Variants in ABHD12B observed in about 807,000 individuals in gnomAD.
ABHD12B encodes the protein protein ABHD12B.
A neutral mutation model predicts 50.4 loss-of-function variants in ABHD12B; 42 were observed. The ratio of observed to expected loss-of-function variants is 0.83; its 90% CI spans 0.65 to 1.08. The LOEUF (loss-of-function observed/expected upper bound fraction) is 1.08. Among genes scored for constraint, ABHD12B ranks in the 50% least tolerant of loss-of-function variants. The pLI, the probability that ABHD12B is intolerant of heterozygous loss-of-function variation, is 0.00. For missense variants in ABHD12B, 479 were observed against 447.7 expected, an observed-to-expected ratio of 1.07 and a Z score of -0.63; for synonymous variants, 167 against 160.3, an observed-to-expected ratio of 1.04 and a Z score of -0.32.
chr14:50,883,925 C>T (rs2049995899), intron 5 of ABHD12B, among the ~76,000 whole-genome samples: 1 of 148,028 alleles, frequency 6.8e-6, no homozygotes, highest in Admixed American at 6.9e-5. Context: ...CTAGTTTTTA[C>T]TTCTCCTTAT....
chr14:50,881,243 G>A (rs547443373), intron 4 of ABHD12B, among the ~76,000 whole-genome samples: 1 of 151,918 alleles, frequency 6.6e-6, no homozygotes, highest in East Asian at 1.9e-4. Context: ...TTGGGGCAGG[G>A]GCGATGTGCC....
At position 50,886,654 on chromosome 14, in the gene ABHD12B, A is replaced by C; in HGVS notation, c.670A>C (p.Thr224Pro). 6.2e-7 allele frequency: 1 copy of C among 1,609,410 alleles called. No homozygotes were observed. The highest frequency in any genetic ancestry group is 8.5e-7 in the Non-Finnish European group (1 of 1,177,560). Reference protein sequence around the residue: ...WGHSLGTGVATNAAKVLEEKG... With the variant: ...WGHSLGTGVAPNAAKVLEEKG... ...ATTTTCATTGCTTTACAGAGTTGCA[A>C]CAAATGCTGCAAAAGTGCTAGAAGA... Residue 224 changes from threonine to proline, a missense_variant, in exon 8 of 13, where the codon ACA becomes CCA. By Grantham distance (38) the Thr-to-Pro change is conservative (BLOSUM62 -1). Coordinates refer to ENST00000337334, the MANE Select transcript of ABHD12B (RefSeq NM_001206673.2).
chr14:50,876,001 C>G (rs1308279284), intron 1 of ABHD12B, among the ~76,000 whole-genome samples: 1 of 152,168 alleles, frequency 6.6e-6, no homozygotes, highest in Non-Finnish European at 1.5e-5. Flanking sequence ...CAGCAGGAGC[C>G]AGCAGCTGGA....
rs1294100696 is a variant in ABHD12B, at chr14:50,892,366, AGAACAAG to A, written c.780+3466_780+3472del. 6.1e-6 allele frequency: 6 copies of A among 975,678 alleles called. No homozygotes were observed. The African/African-American group carries it at 1.0e-4, about 17-fold the overall frequency. The allele number at this position is 975,678 out of a possible 1,614,324, so 60.4% of individuals were successfully genotyped here. A position where few individuals can be genotyped will look rare whatever the true frequency, so the allele number is the denominator to read the frequency against. ...AGTAGCACTGGAAAGGGGGAAGAGC[AGAACAAG>A]GACGTGACCTCAGGCAAAGTCTAGC... On this transcript the variant is annotated intron_variant, in intron 9 of 12. Coordinates refer to ENST00000337334, the MANE Select transcript of ABHD12B (RefSeq NM_001206673.2).
At chr14:50,888,755 C>A in intron 8 of ABHD12B, 69 bp from the exon 9 acceptor site, 2 of 1,377,726 alleles carry the variant, frequency 1.5e-6, no homozygotes, top group Non-Finnish European at 1.0e-6. Flanking sequence ...TTGAATACCC[C>A]TTATCTAGGA....
At chr14:50,894,158 ACCC>A (rs1167623067) in intron 9 of ABHD12B, among the ~76,000 whole-genome samples, 1 of 137,982 alleles carries the variant, frequency 7.2e-6, no homozygotes, top group Admixed American at 6.8e-5. Flanking sequence ...AGGGGCAAGT[ACCC>A]CTCAACCCCT....
At chr14:50,892,918 A>T (rs1350601569) in intron 9 of ABHD12B, 2 of 152,168 alleles carry the variant, frequency 1.3e-5, no homozygotes, top group Non-Finnish European at 2.9e-5. Context: ...TATGATTCAT[A>T]ACTTCTATGC....
At chr14:50,896,748 T>C (rs2050205121) in intron 9 of ABHD12B, among the ~76,000 whole-genome samples, 1 of 151,996 alleles carries the variant, frequency 6.6e-6, no homozygotes, top group Non-Finnish European at 1.5e-5. Context: ...CCAAATCCTA[T>C]AAAACGGCCC....
At position 50,878,179 on chromosome 14, in the gene ABHD12B, T is replaced by C. The variant is rs1399643905; in HGVS notation, c.232+100T>C. On this transcript the variant is annotated intron_variant, in intron 2 of 12. Coordinates refer to ENST00000337334, the MANE Select transcript of ABHD12B (RefSeq NM_001206673.2). ...ACGTAGTGAAAAGACATGTCAGCTG[T>C]AAAATTGTGGTTAGACTGAAATGGT... 3 of 1,093,944 alleles carry C rather than the reference T, an allele frequency of 2.7e-6. No individual in the cohort carries two copies. The African/African-American group carries it at 4.8e-5, about 17-fold the overall frequency. The allele number at this position is 1,093,944 out of a possible 1,614,324, so 67.8% of individuals were successfully genotyped here. A position where few individuals can be genotyped will look rare whatever the true frequency, so the allele number is the denominator to read the frequency against.
rs965595892 is a variant in ABHD12B, at chr14:50,872,098, G to C, written c.-77G>C. 73 of 1,103,096 alleles carry C rather than the reference G, an allele frequency of 6.6e-5. No individual in the cohort carries two copies. The African/African-American group carries it at 1.0e-3, about 15-fold the overall frequency. The allele number at this position is 1,103,096 out of a possible 1,614,324, so 68.3% of individuals were successfully genotyped here. On this transcript the variant is annotated 5_prime_UTR_variant, in exon 1 of 13. Coordinates refer to ENST00000337334, the MANE Select transcript of ABHD12B (RefSeq NM_001206673.2). ...GGAGGAGGGCGGGCGCGGTGCCGCC[G>C]GGGCGGGAAGGTCGCGGGCGGCTGC...
chr14:50,878,602 A>G, intron 2 of ABHD12B, 143 bp from the exon 3 acceptor site: 1 of 676,188 alleles, frequency 1.5e-6, no homozygotes, highest in Non-Finnish European at 2.5e-6. Context: ...TAGCTGATAA[A>G]ATAAAATACT....
intron 3 of ABHD12B, among the ~76,000 whole-genome samples, chr14:50,879,214 A>G (rs928244013): frequency 5.3e-5 from 8 of 151,878 alleles, no homozygotes; most frequent in African/African-American, 1.5e-4. Flanking sequence ...CTAACTGTCT[A>G]CTCATCTATT....
chr14:50,903,774 C>T lies in ABHD12B; in HGVS notation c.943-300C>T, dbSNP rs146032039. Among the ~76,000 whole-genome samples the T allele has an allele frequency of 6.5e-3, 988 of 152,218 alleles. 5 individuals are homozygous for T. Among genetic ancestry groups the T allele is most frequent in the Non-Finnish European group, 9.8e-3 (667 of 68,016 alleles). On this transcript the variant is annotated intron_variant, in intron 11 of 12. Coordinates refer to ENST00000337334, the MANE Select transcript of ABHD12B (RefSeq NM_001206673.2). ...ACTGTAGTGGCTCTAAAATGGAAGA[C>T]GCAGACTTTTTCCTTTTAAACAAAC...
chr14:50,902,063 G>T, intron 10 of ABHD12B, 152 bp downstream of exon 10: 2 of 539,044 alleles, frequency 3.7e-6, no homozygotes, highest in Non-Finnish European at 6.4e-6. Flanking sequence ...TGGGCACTAA[G>T]ATTTGGGTAA....
intron 9 of ABHD12B, chr14:50,892,522 C>A: frequency 1.0e-6 from 1 of 985,432 alleles, no homozygotes; most frequent in Non-Finnish European, 1.2e-6. Flanking sequence ...GTGATGGCTT[C>A]TGTCATCTAA....
At position 50,885,878 on chromosome 14, in the gene ABHD12B, C is replaced by T. The variant is rs551921873; in HGVS notation, c.645C>T (p.Gly215=). ...GCATCACTCCCGTGTGTCTCTGGGG[C>T]CACTCTCTGGGTACAGGGTAAGTGA... ...RSGITPVCLW[G]HSLGTGVATN... The change falls in exon 7 of 13, where the codon GGC becomes GGT. Residue 215 remains glycine, a synonymous_variant. Transcript: ENST00000337334. 6.2e-7 allele frequency: 1 copy of T among 1,614,010 alleles called. No homozygotes were observed. The highest frequency in any genetic ancestry group is 1.7e-5 in the Admixed American group (1 of 60,010).
At chr14:50,903,704 G>GTGT (rs2142777018) in intron 11 of ABHD12B, among the ~76,000 whole-genome samples, 1 of 152,316 alleles carries the variant, frequency 6.6e-6, no homozygotes, top group Admixed American at 6.5e-5. Flanking sequence ...GGAGCTGCAA[G>GTGT]TGTAGGGTAT....
At position 50,878,956 on chromosome 14, in the gene ABHD12B, A is replaced by G. The variant is rs150782178; in HGVS notation, c.335+109A>G. On this transcript the variant is annotated intron_variant, in intron 3 of 12. Coordinates refer to ENST00000337334, the MANE Select transcript of ABHD12B (RefSeq NM_001206673.2). ...CCCACGGAGAGGTCGGTGCTCCTGG[A>G]GGTACCTGGAGGCTGTTTCCTACAC... The G allele has an allele frequency of 2.0e-3, 1,624 of 800,708 alleles. 18 individuals are homozygous for G. In the African/African-American group the frequency reaches 0.024, roughly 12 times the overall value. 49.6% of individuals were successfully genotyped at this position (800,708 alleles called of 1,614,324 possible).
At chr14:50,896,033 G>A (rs894736029) in intron 9 of ABHD12B, among the ~76,000 whole-genome samples, 4 of 151,872 alleles carry the variant, frequency 2.6e-5, no homozygotes, top group Non-Finnish European at 2.9e-5. Flanking sequence ...AGCCTCCTTT[G>A]CGTCCTCCTC....
Sources: allele counts gnomAD v4.1 joint callset (sites outside exome capture counted in the v4.1 genomes callset), GRCh38; gene constraint gnomAD v4.1.1; transcripts MANE v1.5; gene names NCBI Gene and HGNC (gene_info 2026-07-23, HGNC 2026-07-21).